NUFIP2: variants seen among roughly 807,000 people sequenced by gnomAD.
The protein encoded by NUFIP2 is nuclear FMR1 interacting protein 2, also known as FMR1-interacting protein NUFIP2.
In NUFIP2, 6 loss-of-function variants were observed where a neutral mutation model predicts 56.9. The observed-to-expected ratio is 0.11, with a 90% CI of 0.06 to 0.21. NUFIP2 has a LOEUF of 0.21. NUFIP2 is among the 10% of genes least tolerant of loss of function. The probability of loss-of-function intolerance (pLI) is 1.00; values close to 1 mark genes in which losing one functional copy is unlikely to be tolerated. For synonymous variants in NUFIP2, 321 were observed against 298.2 expected, an observed-to-expected ratio of 1.08 and a Z score of -0.79; for missense variants, 828 against 826.8, an observed-to-expected ratio of 1.00 and a Z score of -0.02.
intron 2 of NUFIP2, among the ~76,000 whole-genome samples, chr17:29,275,844 A>AT (rs1253165750): frequency 1.3e-5 from 2 of 151,982 alleles, no homozygotes; most frequent in African/African-American, 4.8e-5. Context: ...CCTGACCAAC[A>AT]TGGTGAAACC....
chr17:29,276,542 T>C (rs1429189094), intron 2 of NUFIP2, among the ~76,000 whole-genome samples: 1 of 152,158 alleles, frequency 6.6e-6, no homozygotes, highest in Non-Finnish European at 1.5e-5. Flanking sequence ...TTCACCATGT[T>C]GGCCAGGGTG....
At chr17:29,272,559 T>C (rs922985162) in intron 2 of NUFIP2, among the ~76,000 whole-genome samples, 1 of 152,162 alleles carries the variant, frequency 6.6e-6, no homozygotes, top group African/African-American at 2.4e-5. Flanking sequence ...TGTGATTTAA[T>C]GTTTTGACTA....
chr17:29,274,652 C>CAA (rs2069096504), intron 2 of NUFIP2, among the ~76,000 whole-genome samples: 1 of 151,920 alleles, frequency 6.6e-6, no homozygotes, highest in Non-Finnish European at 1.5e-5. Flanking sequence ...ATTCAGGGGA[C>CAA]AGAGTAAAAA....
At chr17:29,289,715 A>G (rs1437582108) in intron 1 of NUFIP2, among the ~76,000 whole-genome samples, 1 of 152,222 alleles carries the variant, frequency 6.6e-6, no homozygotes. Context: ...CATTGTTCCA[A>G]AATAAATTAA....
chr17:29,284,291 A>G (rs1050223444), intron 2 of NUFIP2, among the ~76,000 whole-genome samples: 15 of 152,214 alleles, frequency 9.9e-5, no homozygotes, highest in Non-Finnish European at 2.1e-4. Context: ...CACTGTTCTC[A>G]AAAGCAAAAG....
At chr17:29,277,587 G>T (rs572581228) in intron 2 of NUFIP2, among the ~76,000 whole-genome samples, 9 of 152,192 alleles carry the variant, frequency 5.9e-5, no homozygotes, top group African/African-American at 1.9e-4. Context: ...ACAGGTTATT[G>T]TACCATGTTT....
intron 2 of NUFIP2, among the ~76,000 whole-genome samples, chr17:29,284,549 T>C (rs1471036540): frequency 1.3e-5 from 2 of 150,702 alleles, no homozygotes; most frequent in Non-Finnish European, 3.0e-5. Flanking sequence ...CTACTAAAAA[T>C]ATAAAAATTA....
intron 2 of NUFIP2, among the ~76,000 whole-genome samples, chr17:29,280,656 A>G (rs2069134217): frequency 6.6e-6 from 1 of 151,928 alleles, no homozygotes; most frequent in Non-Finnish European, 1.5e-5. Context: ...ACTGCATTCC[A>G]GCCTGAGTCA....
Position 29,286,794 on chromosome 17 carries a change from C to G in NUFIP2, c.1200G>C (p.Gln400His). The G allele has an allele frequency of 6.2e-7, 1 of 1,614,114 alleles. No individual in the cohort carries two copies. Among genetic ancestry groups the G allele is most frequent in the Non-Finnish European group, 8.5e-7 (1 of 1,180,016 alleles). Residue 400 changes from glutamine (Q) to histidine (H), a missense_variant, in exon 2 of 4, where the codon CAG becomes CAC. Transcript: ENST00000225388. ...TQTQSSSRLS[Q>H]VPMSALKSVT... ...CAGATTTCAGCGCTGACATAGGGAC[C>G]TGGGATAAGCGACTTGATGATTGGG...
chr17:29,276,549 G>C lies in NUFIP2; in HGVS notation c.2003-9019C>G, dbSNP rs149344384. The stretch of plus-strand genomic sequence containing the variant: ...ATGGGAGTTTCACCATGTTGGCCAG[G>C]GTGGTCTCTAACTCCTGACCTCAAG... On this transcript the variant is annotated intron_variant, in intron 2 of 3. Transcript: ENST00000225388. 5.6e-3 allele frequency among the ~76,000 whole-genome samples: 854 copies of C among 152,180 alleles called. 5 individuals are homozygous for C. Among genetic ancestry groups the C allele is most frequent in the African/African-American group, 0.02 (820 of 41,510 alleles).
At chr17:29,268,905 G>T (rs1295485843) in intron 2 of NUFIP2, among the ~76,000 whole-genome samples, 1 of 152,072 alleles carries the variant, frequency 6.6e-6, no homozygotes, top group Non-Finnish European at 1.5e-5. Context: ...ACAATCATTT[G>T]TTCTAATTTC....
intron 2 of NUFIP2, among the ~76,000 whole-genome samples, chr17:29,280,933 C>A (rs941471860): frequency 5.4e-5 from 8 of 147,266 alleles, no homozygotes; most frequent in African/African-American, 1.7e-4. Context: ...TGCAGCGAGC[C>A]AAGATCGCAC....
chr17:29,288,113 C>A (rs774291464), intron 1 of NUFIP2, among the ~76,000 whole-genome samples: 1 of 152,210 alleles, frequency 6.6e-6, no homozygotes, highest in Non-Finnish European at 1.5e-5. Context: ...GCGCTATCTC[C>A]GCTCACTGTA....
At position 29,286,827 on chromosome 17, in the gene NUFIP2, T is replaced by A. The variant is rs1266385822; in HGVS notation, c.1167A>T (p.Glu389Asp). Reference protein sequence around the residue: ...SSSSSSSSTGETQTQSSSRLS... With the variant: ...SSSSSSSSTGDTQTQSSSRLS... ...AGCGACTTGATGATTGGGTCTGAGT[T>A]TCCCCGGTAGATGATGAAGATGATG... Residue 389 changes from glutamate (E) to aspartate (D), a missense_variant, in exon 2 of 4, where the codon GAA (glutamate) becomes GAT (aspartate). This residue lies in a region of NUFIP2 where 404 missense variants were observed against 380.3 expected (regional missense o/e 1.06). Transcript: ENST00000225388. 1 of 1,614,182 alleles carries A rather than the reference T, an allele frequency of 6.2e-7. No individual in the cohort carries two copies. Among genetic ancestry groups the A allele is most frequent in the Non-Finnish European group, 8.5e-7 (1 of 1,180,032 alleles).
chr17:29,269,073 T>C (rs146934931), intron 2 of NUFIP2, among the ~76,000 whole-genome samples: 218 of 152,324 alleles, frequency 1.4e-3, no homozygotes, highest in African/African-American at 4.7e-3. Context: ...AGTAATTGAC[T>C]ATTACACAAG....
intron 2 of NUFIP2, among the ~76,000 whole-genome samples, chr17:29,272,241 T>C (rs2069078911): frequency 8.6e-6 from 1 of 116,620 alleles, no homozygotes; most frequent in Admixed American, 8.5e-5. Context: ...AAATGTGTTC[T>C]TTTTTTTTTT....
rs768301397 is a variant in NUFIP2 at position 29,258,822 on chromosome 17, G to A, written c.*5717C>T. 6.6e-6 allele frequency: 1 copy of A among 152,178 alleles called. No individual in the cohort carries two copies. The highest frequency in any genetic ancestry group is 1.5e-5 in the Non-Finnish European group (1 of 68,028). 9.4% of individuals were successfully genotyped at this position (152,178 alleles called of 1,614,324 possible). A position where few individuals can be genotyped will look rare whatever the true frequency, so the allele number is the denominator to read the frequency against. ...TATGGTATATAGTAATGTAAAAAGT[G>A]CATCACATTCTTGATTTTCAGTTTC... On this transcript the variant is annotated 3_prime_UTR_variant, in exon 4 of 4. Transcript: ENST00000225388.
At chr17:29,278,110 T>TA (rs1457532215) in intron 2 of NUFIP2, among the ~76,000 whole-genome samples, 1 of 152,162 alleles carries the variant, frequency 6.6e-6, no homozygotes, top group African/African-American at 2.4e-5. Context: ...GTAGACCCCT[T>TA]AATGAACTCT....
chr17:29,276,802 G>C (rs2069111005), intron 2 of NUFIP2, among the ~76,000 whole-genome samples: 1 of 152,174 alleles, frequency 6.6e-6, no homozygotes, highest in African/African-American at 2.4e-5. Context: ...CAGCCAGGAA[G>C]TAATAATGTA....
Sources: allele counts gnomAD v4.1 joint callset (sites outside exome capture counted in the v4.1 genomes callset), GRCh38; gene constraint gnomAD v4.1.1; regional missense constraint gnomAD v4.1.1; transcripts MANE v1.5; gene names NCBI Gene and HGNC (gene_info 2026-07-23, HGNC 2026-07-21).